CABLES1: variants seen among roughly 807,000 people sequenced by gnomAD.
The protein encoded by CABLES1 is CDK5 and ABL1 enzyme substrate 1.
In CABLES1, 36 loss-of-function variants were observed where a neutral mutation model predicts 57.8. The observed-to-expected ratio is 0.62, with a 90% CI of 0.48 to 0.82. The LOEUF is 0.82. Among genes scored for constraint, CABLES1 ranks in the 40% least tolerant of loss-of-function variants. CABLES1 has a pLI of 0.00. For missense variants in CABLES1, 767 were observed against 836.6 expected (o/e 0.92, Z 1.03); for synonymous variants, 374 against 363.0 (o/e 1.03, Z -0.35).
At chr18:23,174,587 T>C (rs1027107705) in intron 1 of CABLES1, among the ~76,000 whole-genome samples, 6 of 151,772 alleles carry the variant, frequency 4.0e-5, no homozygotes, top group African/African-American at 1.5e-4. Flanking sequence ...TTCTCCTGCC[T>C]CAGCCTCCCG....
At chr18:23,229,490 AAACTTC>A (rs1386152373) in intron 4 of CABLES1, among the ~76,000 whole-genome samples, 1 of 152,242 alleles carries the variant, frequency 6.6e-6, no homozygotes, top group Non-Finnish European at 1.5e-5. Flanking sequence ...AAGAAAGTGA[AAACTTC>A]AACTTCAGTT....
chr18:23,151,041 C>T (rs2076827344), intron 1 of CABLES1, among the ~76,000 whole-genome samples: 1 of 124,746 alleles, frequency 8.0e-6, no homozygotes, highest in South Asian at 2.5e-4. Context: ...TTTTGAGAGG[C>T]AGAGTCTCGC....
chr18:23,169,007 A>AG (rs1345264906), intron 1 of CABLES1, among the ~76,000 whole-genome samples: 1 of 152,210 alleles, frequency 6.6e-6, no homozygotes, highest in East Asian at 1.9e-4. Flanking sequence ...CACAAGACAC[A>AG]GGTCAGAAAG....
chr18:23,217,079 T>G (rs990928567), intron 4 of CABLES1, among the ~76,000 whole-genome samples: 1 of 151,938 alleles, frequency 6.6e-6, no homozygotes, highest in East Asian at 1.9e-4. Flanking sequence ...TTTGTTTTGT[T>G]TTTTGTTTTT....
chr18:23,191,941 AG>A (rs2047246928), intron 2 of CABLES1, among the ~76,000 whole-genome samples: 2 of 108,100 alleles, frequency 1.9e-5, no homozygotes, highest in African/African-American at 3.3e-5. Flanking sequence ...AAAAAAAAAA[AG>A]GCAACACAAC....
intron 1 of CABLES1, among the ~76,000 whole-genome samples, chr18:23,144,419 C>T (rs1052302318): frequency 6.6e-6 from 1 of 152,244 alleles, no homozygotes; most frequent in African/African-American, 2.4e-5. Flanking sequence ...TTTGCTAAAA[C>T]AATCTGTCAT....
chr18:23,198,491 C>T (rs1304075306), intron 3 of CABLES1, among the ~76,000 whole-genome samples: 2 of 152,136 alleles, frequency 1.3e-5, no homozygotes, highest in African/African-American at 2.4e-5. Context: ...CATCCCATCC[C>T]CAGGACCTGT....
chr18:23,182,799 G>T (rs2047176588), intron 1 of CABLES1, among the ~76,000 whole-genome samples: 1 of 152,204 alleles, frequency 6.6e-6, no homozygotes, highest in South Asian at 2.1e-4. Context: ...CTGCATAGGG[G>T]ATTGGCCTTG....
At chr18:23,166,960 A>G (rs1303480147) in intron 1 of CABLES1, among the ~76,000 whole-genome samples, 1 of 152,148 alleles carries the variant, frequency 6.6e-6, no homozygotes, top group Non-Finnish European at 1.5e-5. Flanking sequence ...CAGAGGAGGA[A>G]GGGTGGCATT....
At chr18:23,230,124 A>G (rs9965521) in intron 4 of CABLES1, among the ~76,000 whole-genome samples, 16,074 of 152,272 alleles carry the variant, frequency 0.11, 1,644 homozygotes, top group Admixed American at 0.28. Context: ...CTGTAATCCC[A>G]GCACTTTGGG....
At chr18:23,213,181 G>T (rs868809168) in intron 3 of CABLES1, among the ~76,000 whole-genome samples, 1 of 152,130 alleles carries the variant, frequency 6.6e-6, no homozygotes, top group South Asian at 2.1e-4. Context: ...TATGGTTGTC[G>T]AAAGAAAGGA....
chr18:23,155,750 C>T, intron 1 of CABLES1: 1 of 1,351,880 alleles, frequency 7.4e-7, no homozygotes, highest in Non-Finnish European at 9.8e-7. Context: ...TACATATTTT[C>T]CCCTATGGCT....
chr18:23,222,336 T>C (rs57988156), intron 4 of CABLES1, among the ~76,000 whole-genome samples: 2,047 of 152,062 alleles, frequency 0.013, 38 homozygotes, highest in African/African-American at 0.047. Context: ...GTCTCAGGGC[T>C]TATAATATAC....
At chr18:23,151,926 G>A (rs1287742135) in intron 1 of CABLES1, among the ~76,000 whole-genome samples, 3 of 152,200 alleles carry the variant, frequency 2.0e-5, no homozygotes, top group Non-Finnish European at 2.9e-5. Context: ...GTAGCGAAGC[G>A]GGTGGAGAGA....
chr18:23,251,322 A>G (rs1341172071), intron 7 of CABLES1, among the ~76,000 whole-genome samples: 6 of 152,300 alleles, frequency 3.9e-5, no homozygotes, highest in East Asian at 1.9e-4. Flanking sequence ...AAGGTGGCAC[A>G]TGCCTGTAGT....
intron 1 of CABLES1, among the ~76,000 whole-genome samples, chr18:23,187,962 G>A (rs988429143): frequency 6.6e-6 from 1 of 152,208 alleles, no homozygotes; most frequent in African/African-American, 2.4e-5. Context: ...TTTGCCAAAT[G>A]TAGTAAAAAA....
chr18:23,142,413 A>G (rs991323634), intron 1 of CABLES1, among the ~76,000 whole-genome samples: 2 of 152,028 alleles, frequency 1.3e-5, no homozygotes, highest in Non-Finnish European at 2.9e-5. Context: ...CTACCCTCAC[A>G]CCAAGGACAT....
chr18:23,145,909 AG>A (rs1303282160), intron 1 of CABLES1, among the ~76,000 whole-genome samples: 1 of 152,226 alleles, frequency 6.6e-6, no homozygotes, highest in African/African-American at 2.4e-5. Flanking sequence ...TGCAAATACC[AG>A]GGGCTTATGA....
chr18:23,233,264 A>G (rs1009867519), intron 4 of CABLES1, among the ~76,000 whole-genome samples: 6 of 152,102 alleles, frequency 3.9e-5, no homozygotes, highest in African/African-American at 1.4e-4. Context: ...TACAATTCTG[A>G]TATGTGGCAA....
Sources: gnomAD v4.1 joint callset for allele counts (sites outside exome capture counted in the v4.1 genomes callset) on GRCh38, gnomAD v4.1.1 for gene constraint, MANE v1.5 for transcripts, NCBI Gene and HGNC (gene_info 2026-07-23, HGNC 2026-07-21) for gene names.